Variants in KCTD1 observed in about 807,000 individuals in gnomAD.
KCTD1 encodes potassium channel tetramerization domain containing 1.
In KCTD1, 24 loss-of-function variants were observed where a neutral mutation model predicts 66.0. The ratio of observed to expected loss-of-function variants is 0.36; its 90% CI spans 0.26 to 0.51. KCTD1 has a LOEUF of 0.51. KCTD1 is among the 20% of genes least tolerant of loss of function. The pLI is 0.95. For missense variants in KCTD1, 943 were observed against 1,205.2 expected, an observed-to-expected ratio of 0.78 and a Z score of 3.22; for synonymous variants, 511 against 517.2, an observed-to-expected ratio of 0.99 and a Z score of 0.16.
At chr18:26,478,618 T>G (rs138479949) in intron 2 of KCTD1, among the ~76,000 whole-genome samples, 1 of 152,236 alleles carries the variant, frequency 6.6e-6, no homozygotes, top group Admixed American at 6.5e-5. Context: ...TAGACTTGGA[T>G]GTACGCTTGC....
At chr18:26,466,142 T>C (rs542292950) in intron 3 of KCTD1, among the ~76,000 whole-genome samples, 1 of 151,442 alleles carries the variant, frequency 6.6e-6, no homozygotes, top group African/African-American at 2.4e-5. Context: ...TCTGAGAAAG[T>C]TCTACCCGCA....
At chr18:26,628,737 A>T (rs1408215081) in intron 1 of KCTD1, among the ~76,000 whole-genome samples, 2 of 152,168 alleles carry the variant, frequency 1.3e-5, no homozygotes, top group Non-Finnish European at 2.9e-5. Flanking sequence ...CATCCTAAAG[A>T]ATTATTTTTG....
intron 1 of KCTD1, among the ~76,000 whole-genome samples, chr18:26,506,705 A>C (rs972567298): frequency 2.0e-5 from 3 of 152,120 alleles, no homozygotes; most frequent in African/African-American, 7.2e-5. Flanking sequence ...GGAGGTAGAA[A>C]GGTTGGGAGC....
intron 1 of KCTD1, among the ~76,000 whole-genome samples, chr18:26,513,934 T>A (rs552546439): frequency 6.6e-6 from 1 of 152,350 alleles, no homozygotes; most frequent in East Asian, 1.9e-4. Context: ...TCGGGAAGAT[T>A]ACATTTTAAT....
intron 1 of KCTD1, among the ~76,000 whole-genome samples, chr18:26,653,955 T>C (rs1267486948): frequency 6.6e-6 from 1 of 152,164 alleles, no homozygotes; most frequent in African/African-American, 2.4e-5. Flanking sequence ...CAAAAGAAGG[T>C]TCAGAAATGC....
At chr18:26,462,941 C>T (rs976695944) in intron 3 of KCTD1, among the ~76,000 whole-genome samples, 7 of 152,164 alleles carry the variant, frequency 4.6e-5, no homozygotes, top group Non-Finnish European at 7.3e-5. Context: ...TTTACAAACT[C>T]GAGATGATGG....
upstream of KCTD1, among the ~76,000 whole-genome samples, chr18:26,633,798 T>A (rs1987669217): frequency 6.6e-6 from 1 of 152,198 alleles, no homozygotes; most frequent in African/African-American, 2.4e-5. Flanking sequence ...AAAGTACTAA[T>A]GAGACATCAT....
chr18:26,502,448 C>G (rs558897088), intron 1 of KCTD1, among the ~76,000 whole-genome samples: 1 of 152,298 alleles, frequency 6.6e-6, no homozygotes, highest in South Asian at 2.1e-4. Flanking sequence ...TCATCTCAGC[C>G]TCCCAAAGCG....
At chr18:26,624,215 C>A (rs1320249728) in intron 1 of KCTD1, among the ~76,000 whole-genome samples, 2 of 152,090 alleles carry the variant, frequency 1.3e-5, no homozygotes, top group Non-Finnish European at 2.9e-5. Flanking sequence ...AAAAGAAAAC[C>A]CCATTTTCTG....
chr18:26,538,277 C>T (rs1187225402), intron 1 of KCTD1, among the ~76,000 whole-genome samples: 1 of 152,010 alleles, frequency 6.6e-6, no homozygotes, highest in Non-Finnish European at 1.5e-5. Context: ...ATTTCCATGC[C>T]TCTGTAAAGA....
upstream of KCTD1, chr18:26,548,755 A>G (rs1219462272): frequency 2.0e-5 from 22 of 1,106,914 alleles, no homozygotes; most frequent in Non-Finnish European, 2.3e-5. Flanking sequence ...TAGACCGGAG[A>G]GATAGGGTAA....
intron 3 of KCTD1, among the ~76,000 whole-genome samples, chr18:26,473,457 A>ACTT (rs1981176693): frequency 1.3e-5 from 2 of 152,100 alleles, no homozygotes; most frequent in African/African-American, 4.8e-5. Context: ...AATGCATGCA[A>ACTT]GGCTTAATAC....
At chr18:26,533,011 G>A (rs1324632440) in intron 1 of KCTD1, among the ~76,000 whole-genome samples, 3 of 152,202 alleles carry the variant, frequency 2.0e-5, no homozygotes, top group African/African-American at 7.2e-5. Context: ...TCCAGTCCTA[G>A]GTTTGCCATT....
chr18:26,577,313 T>A (rs1048720669), intron 1 of KCTD1, among the ~76,000 whole-genome samples: 2 of 152,210 alleles, frequency 1.3e-5, no homozygotes, highest in Non-Finnish European at 2.9e-5. Flanking sequence ...GTCCAATGTC[T>A]CTGCTTTTGG....
At chr18:26,537,905 TATGCCCA>T (rs2144800004) in intron 1 of KCTD1, among the ~76,000 whole-genome samples, 1 of 152,334 alleles carries the variant, frequency 6.6e-6, no homozygotes, top group African/African-American at 2.4e-5. Context: ...GGGCAGCAAT[TATGCCCA>T]TCAGTGGGCT....
intron 1 of KCTD1, among the ~76,000 whole-genome samples, chr18:26,557,623 A>G (rs1985737168): frequency 6.6e-6 from 1 of 152,208 alleles, no homozygotes; most frequent in Non-Finnish European, 1.5e-5. Context: ...CAGCTCAAAC[A>G]ATTCTAATAC....
chr18:26,480,994 A>G (rs781666562), intron 2 of KCTD1, among the ~76,000 whole-genome samples: 3 of 152,078 alleles, frequency 2.0e-5, no homozygotes, highest in Non-Finnish European at 4.4e-5. Flanking sequence ...TTCATTAAGA[A>G]TTTTTTCTTG....
At chr18:26,620,834 T>G (rs1304697326) in intron 1 of KCTD1, among the ~76,000 whole-genome samples, 1 of 822 alleles carries the variant, frequency 1.2e-3, no homozygotes, top group East Asian at 0.17. Flanking sequence ...CTTGAAAAGC[T>G]TTTTTTTTTT....
intron 1 of KCTD1, among the ~76,000 whole-genome samples, chr18:26,587,978 T>C (rs1481510942): frequency 6.6e-6 from 1 of 152,164 alleles, no homozygotes; most frequent in African/African-American, 2.4e-5. Context: ...ATAAATTTAG[T>C]GACAAAGCAG....
Sources: allele counts gnomAD v4.1 joint callset (sites outside exome capture counted in the v4.1 genomes callset), GRCh38; gene constraint gnomAD v4.1.1; transcripts MANE v1.5; gene names NCBI Gene and HGNC (gene_info 2026-07-23, HGNC 2026-07-21).